The following GNA14 variants were observed in gnomAD, a reference collection of about 807,000 sequenced individuals.
GNA14 encodes the protein guanine nucleotide-binding protein subunit alpha-14.
Under a neutral mutation model 42.0 loss-of-function variants are expected in GNA14, and 50 were observed. The observed-to-expected ratio is 1.19, with a 90% CI of 0.95 to 1.51. The LOEUF (loss-of-function observed/expected upper bound fraction) is 1.51. Among genes scored for constraint, GNA14 ranks in the 40% most tolerant of loss-of-function variants. GNA14 has a pLI of 0.00. For synonymous variants in GNA14, 173 were observed against 163.1 expected (o/e 1.06, Z -0.46); for missense variants, 473 against 446.2 (o/e 1.06, Z -0.54).
intron 2 of GNA14, among the ~76,000 whole-genome samples, chr9:77,441,919 T>C (rs12347110): frequency 0.12 from 17,616 of 152,230 alleles, 1,154 homozygotes; most frequent in African/African-American, 0.17. Flanking sequence ...AAAATGCTAG[T>C]TAACTATGCC....
chr9:77,491,054 G>A (rs1398644404), intron 2 of GNA14, among the ~76,000 whole-genome samples: 3 of 152,234 alleles, frequency 2.0e-5, no homozygotes, highest in Non-Finnish European at 4.4e-5. Context: ...CAGTCCAGGA[G>A]GAAGTCGAAT....
chr9:77,434,665 C>T lies in GNA14; in HGVS notation c.310-143G>A, dbSNP rs552021380. ...GCGTGGTGGGCACCCTCCCAGGGGCCGCTCACAGCCAAGACACCCACTGCA... is the reference window on the plus strand; with the variant it reads ...GCGTGGTGGGCACCCTCCCAGGGGCTGCTCACAGCCAAGACACCCACTGCA... On this transcript the variant is annotated intron_variant, in intron 2 of 6. Transcript: ENST00000341700. 69 of 663,330 alleles carry T rather than the reference C, an allele frequency of 1.0e-4. No homozygotes were observed. In the African/African-American group the frequency reaches 1.1e-3, roughly 10 times the overall value. The allele number at this position is 663,330 out of a possible 1,614,324, so 41.1% of individuals were successfully genotyped here. A position where few individuals can be genotyped will look rare whatever the true frequency, so the allele number is the denominator to read the frequency against.
intron 1 of GNA14, among the ~76,000 whole-genome samples, chr9:77,566,388 C>T (rs1822968777): frequency 6.6e-6 from 1 of 151,994 alleles, no homozygotes; most frequent in Non-Finnish European, 1.5e-5. Context: ...CCCCTGGCCT[C>T]AAGTGATCTG....
rs10631280 is a variant in GNA14, at chr9:77,431,024, T to TTGTGTGTGTGTG, written c.593+285_593+296dup. ...ATTTGTGGGATACAGAAGTATACAT[T>TTGTGTGTGTGTG]TGTGTGTGTGTGTGTGTGTGTGTGT... On this transcript the variant is annotated intron_variant, in intron 4 of 6. Transcript: ENST00000341700. Among the ~76,000 whole-genome samples, 91 of 101,508 alleles carry TTGTGTGTGTGTG rather than the reference T, an allele frequency of 9.0e-4. 1 individual carries two copies. Among genetic ancestry groups the TTGTGTGTGTGTG allele is most frequent in the East Asian group, 7.7e-3 (31 of 4,006 alleles). The allele number at this position is 101,508 out of a possible 152,430, so 66.6% of individuals were successfully genotyped here. A position where few individuals can be genotyped will look rare whatever the true frequency, so the allele number is the denominator to read the frequency against.
chr9:77,468,107 G>C (rs1231778293), intron 2 of GNA14, among the ~76,000 whole-genome samples: 3 of 152,104 alleles, frequency 2.0e-5, no homozygotes, highest in Non-Finnish European at 4.4e-5. Flanking sequence ...TAGGAGCTGG[G>C]GAGTGGAGAG....
intron 1 of GNA14, among the ~76,000 whole-genome samples, chr9:77,553,621 G>C (rs982205463): frequency 1.8e-4 from 27 of 151,874 alleles, no homozygotes; most frequent in Non-Finnish European, 2.6e-4. Context: ...TTTGCAAGAG[G>C]GGCAAATTGA....
At chr9:77,494,584 T>A (rs889181878) in intron 2 of GNA14, among the ~76,000 whole-genome samples, 1 of 152,244 alleles carries the variant, frequency 6.6e-6, no homozygotes, top group African/African-American at 2.4e-5. Flanking sequence ...GTATTTCTTA[T>A]ACATATTTGG....
chr9:77,431,022 AT>A (rs35098980), intron 4 of GNA14, among the ~76,000 whole-genome samples: 8,574 of 34,192 alleles, frequency 0.25, 324 homozygotes, highest in East Asian at 0.48. Context: ...AGAAGTATAC[AT>A]TTGTGTGTGT....
intron 1 of GNA14, among the ~76,000 whole-genome samples, chr9:77,556,596 C>T (rs1822784570): frequency 6.6e-6 from 1 of 152,152 alleles, no homozygotes; most frequent in African/African-American, 2.4e-5. Context: ...CTTTCCTCTT[C>T]CTCACAGCCC....
At chr9:77,520,107 T>A (rs921211725) in intron 2 of GNA14, among the ~76,000 whole-genome samples, 2 of 152,214 alleles carry the variant, frequency 1.3e-5, no homozygotes, top group African/African-American at 4.8e-5. Flanking sequence ...TTATTTTTTT[T>A]AAAACTTTTA....
At chr9:77,527,937 C>T (rs765449677) in intron 2 of GNA14, among the ~76,000 whole-genome samples, 1 of 152,118 alleles carries the variant, frequency 6.6e-6, no homozygotes, top group Non-Finnish European at 1.5e-5. Context: ...GCCCAGCCCA[C>T]CCCACGCAAG....
intron 2 of GNA14, among the ~76,000 whole-genome samples, chr9:77,528,453 C>T (rs1252638059): frequency 6.6e-6 from 1 of 152,058 alleles, no homozygotes; most frequent in Non-Finnish European, 1.5e-5. Context: ...TCTTTCCCGC[C>T]TCATTATTTT....
intron 1 of GNA14, among the ~76,000 whole-genome samples, chr9:77,530,205 G>A (rs2131769030): frequency 6.6e-6 from 1 of 152,248 alleles, no homozygotes; most frequent in Non-Finnish European, 1.5e-5. Flanking sequence ...TCGATCATGG[G>A]GGTGGTTTCT....
intron 2 of GNA14, among the ~76,000 whole-genome samples, chr9:77,503,268 G>A (rs149826209): frequency 1.3e-5 from 2 of 152,184 alleles, no homozygotes; most frequent in East Asian, 1.9e-4. Context: ...GGTGATCAAC[G>A]GTGCCCACTG....
At chr9:77,452,918 C>T (rs67392144) in intron 2 of GNA14, among the ~76,000 whole-genome samples, 33,336 of 151,542 alleles carry the variant, frequency 0.22, 3,774 homozygotes, top group South Asian at 0.35. Flanking sequence ...GACTGCTTGA[C>T]GCCAGGAGTT....
intron 1 of GNA14, among the ~76,000 whole-genome samples, chr9:77,579,766 T>G (rs1626834): frequency 2.6e-5 from 4 of 152,048 alleles, no homozygotes; most frequent in African/African-American, 9.7e-5. Flanking sequence ...CAAGTCCTAA[T>G]TTGTTCAATT....
chr9:77,445,094 G>C (rs1164400152), intron 2 of GNA14, among the ~76,000 whole-genome samples: 1 of 152,208 alleles, frequency 6.6e-6, no homozygotes, highest in African/African-American at 2.4e-5. Flanking sequence ...GAGCCAACTA[G>C]TACTTCCCAC....
At chr9:77,596,977 G>T (rs1247280716) in intron 1 of GNA14, among the ~76,000 whole-genome samples, 1 of 152,102 alleles carries the variant, frequency 6.6e-6, no homozygotes, top group Non-Finnish European at 1.5e-5. Context: ...TGTCTCCCTA[G>T]AATGTATAAA....
rs368027671 is a variant in GNA14, at chr9:77,434,487, G to C, written c.345C>G (p.Asp115Glu). ...NAQIIREVEV[D>E]KVSMLSREQV... ...GCTCCCTGGAGAGCATGGAGACCTTGTCCACTTCCACTTCTCTGATTATCT... is the reference window on the plus strand; with the variant it reads ...GCTCCCTGGAGAGCATGGAGACCTTCTCCACTTCCACTTCTCTGATTATCT... The change falls in exon 3 of 7, where the codon GAC becomes GAG. Residue 115 changes from aspartate (D) to glutamate (E), a missense_variant. Coordinates refer to ENST00000341700, the MANE Select transcript of GNA14 (RefSeq NM_004297.4). The C allele has an allele frequency of 2.5e-6, 4 of 1,613,760 alleles. No homozygotes were observed. Among genetic ancestry groups the C allele is most frequent in the Non-Finnish European group, 3.4e-6 (4 of 1,179,714 alleles).
Sources: gnomAD v4.1 joint callset for allele counts (sites outside exome capture counted in the v4.1 genomes callset) on GRCh38, gnomAD v4.1.1 for gene constraint, MANE v1.5 for transcripts, NCBI Gene and HGNC (gene_info 2026-07-23, HGNC 2026-07-21) for gene names.